LINGO2: variants seen among roughly 807,000 people sequenced by gnomAD.
LINGO2 encodes the protein leucine-rich repeat and immunoglobulin-like domain-containing nogo receptor-interacting protein 2.
In LINGO2, 14 loss-of-function variants were observed where a neutral mutation model predicts 30.6. That is an observed-to-expected ratio of 0.46 (90% confidence interval 0.30 to 0.72). The LOEUF (loss-of-function observed/expected upper bound fraction) is 0.72. Among genes scored for constraint, LINGO2 ranks in the 30% least tolerant of loss-of-function variants. The probability of loss-of-function intolerance (pLI) is 0.07; values close to 1 mark genes in which losing one functional copy is unlikely to be tolerated. For synonymous variants in LINGO2, 317 were observed against 288.5 expected, an observed-to-expected ratio of 1.10 and a Z score of -1.00; for missense variants, 729 against 751.7, an observed-to-expected ratio of 0.97 and a Z score of 0.35.
At chr9:28,192,831 G>T (rs1289311797) in intron 4 of LINGO2, among the ~76,000 whole-genome samples, 1 of 152,006 alleles carries the variant, frequency 6.6e-6, no homozygotes, top group East Asian at 1.9e-4. Flanking sequence ...AGGTGTTAGG[G>T]TCTATATTTT....
At chr9:29,093,181 T>C in the LINGO2 span, among the ~76,000 whole-genome samples, 1 of 132,558 alleles carries the variant, frequency 7.5e-6, no homozygotes, top group Non-Finnish European at 1.6e-5. Flanking sequence ...ACAAACAAAA[T>C]ATATAGAAAA....
chr9:28,585,978 C>G (rs1824515831), intron 1 of LINGO2, among the ~76,000 whole-genome samples: 1 of 151,874 alleles, frequency 6.6e-6, no homozygotes, highest in African/African-American at 2.4e-5. Flanking sequence ...TTGAGCATAC[C>G]TCCTGGTCAG....
intron 5 of LINGO2, among the ~76,000 whole-genome samples, chr9:27,996,783 A>G (rs970317533): frequency 6.6e-6 from 1 of 152,190 alleles, no homozygotes; most frequent in African/African-American, 2.4e-5. Flanking sequence ...AAGAAGTGAT[A>G]AATGTTTGAG....
chr9:28,456,597 T>C (rs1253174405), intron 2 of LINGO2, among the ~76,000 whole-genome samples: 2 of 152,300 alleles, frequency 1.3e-5, no homozygotes, highest in East Asian at 1.9e-4. Flanking sequence ...CAGATGTTTT[T>C]TGAGAAATTG....
the LINGO2 span, among the ~76,000 whole-genome samples, chr9:28,849,506 A>C: frequency 0.076 from 11,574 of 152,106 alleles, 1,451 homozygotes; most frequent in African/African-American, 0.26. Flanking sequence ...TTGCTGTAAT[A>C]GTAGGTCATT....
intron 2 of LINGO2, among the ~76,000 whole-genome samples, chr9:28,391,604 C>CGTGT (rs35676869): frequency 0.012 from 1,844 of 147,826 alleles, 39 homozygotes; most frequent in African/African-American, 0.042. Context: ...TTTATGTTTG[C>CGTGT]GTGTGTGTGT....
At chr9:28,684,869 G>A in the LINGO2 span, among the ~76,000 whole-genome samples, 18 of 152,110 alleles carry the variant, frequency 1.2e-4, 1 homozygote, top group East Asian at 1.2e-3. Flanking sequence ...ACATGTGCAC[G>A]TTTGTTATAC....
chr9:28,994,273 T>A, the LINGO2 span, among the ~76,000 whole-genome samples: 1 of 152,092 alleles, frequency 6.6e-6, no homozygotes, highest in Non-Finnish European at 1.5e-5. Flanking sequence ...TCACAATTGC[T>A]TCAAAGAGAA....
At chr9:29,061,609 C>T in the LINGO2 span, among the ~76,000 whole-genome samples, 10 of 152,016 alleles carry the variant, frequency 6.6e-5, no homozygotes, top group Middle Eastern at 6.8e-3. Context: ...AAAAATGATG[C>T]GCGAGAACTG....
intron 3 of LINGO2, among the ~76,000 whole-genome samples, chr9:28,354,739 A>G (rs1354554101): frequency 1.3e-5 from 2 of 152,164 alleles, no homozygotes; most frequent in Non-Finnish European, 2.9e-5. Context: ...GCTGTTTTTT[A>G]CCAATTTGTT....
chr9:28,259,059 G>C lies in LINGO2; in HGVS notation c.-87+36149C>G, dbSNP rs73645624. Reference sequence around the variant, plus strand: ...AAAAATTTTACCCTCTCCAGAATTAGTCTGTTTGCATGTGTGATGCATAGC... The same window carrying C: ...AAAAATTTTACCCTCTCCAGAATTACTCTGTTTGCATGTGTGATGCATAGC... On this transcript the variant is annotated intron_variant, in intron 4 of 5. Coordinates refer to ENST00000379992, the Ensembl canonical transcript of LINGO2. 5.2e-3 allele frequency among the ~76,000 whole-genome samples: 789 copies of C among 151,984 alleles called. 10 individuals are homozygous for C. The highest frequency in any genetic ancestry group is 0.018 in the African/African-American group (762 of 41,480).
chr9:28,551,257 C>A (rs1439660141), intron 1 of LINGO2, among the ~76,000 whole-genome samples: 1 of 151,878 alleles, frequency 6.6e-6, no homozygotes, highest in Non-Finnish European at 1.5e-5. Context: ...AAACCAGAGA[C>A]TGCCACAGAA....
At chr9:28,337,865 A>AT (rs1325241024) in intron 3 of LINGO2, among the ~76,000 whole-genome samples, 6 of 147,816 alleles carry the variant, frequency 4.1e-5, no homozygotes, top group African/African-American at 1.6e-4. Context: ...AGTTTGCTGC[A>AT]GGGGTGGGGC....
the LINGO2 span, among the ~76,000 whole-genome samples, chr9:28,818,194 G>A: frequency 1.3e-5 from 2 of 152,078 alleles, no homozygotes; most frequent in Non-Finnish European, 2.9e-5. Context: ...TCATTAGTTG[G>A]GTCTGAGTCA....
the LINGO2 span, among the ~76,000 whole-genome samples, chr9:28,737,748 A>AT: frequency 2.8e-4 from 42 of 151,460 alleles, no homozygotes; most frequent in East Asian, 9.7e-4. Flanking sequence ...GACAAAAATT[A>AT]TTTTTTTTTC....
the LINGO2 span, among the ~76,000 whole-genome samples, chr9:29,112,970 C>T: frequency 6.6e-6 from 1 of 152,134 alleles, no homozygotes; most frequent in Non-Finnish European, 1.5e-5. Flanking sequence ...TGCCCAAGAT[C>T]TCACATTTAG....
At chr9:29,128,666 T>A in the LINGO2 span, among the ~76,000 whole-genome samples, 1 of 152,142 alleles carries the variant, frequency 6.6e-6, no homozygotes, top group African/African-American at 2.4e-5. Context: ...AAATTTTGGT[T>A]CACAGCCTTC....
At chr9:28,888,771 T>C in the LINGO2 span, 1 of 459,274 alleles carries the variant, frequency 2.2e-6, no homozygotes. Flanking sequence ...ATTACTTCCT[T>C]GTTTAGAACT....
the LINGO2 span, among the ~76,000 whole-genome samples, chr9:28,865,677 G>C: frequency 2.0e-5 from 3 of 152,078 alleles, no homozygotes; most frequent in Non-Finnish European, 4.4e-5. Flanking sequence ...CCAGCTACTC[G>C]GGAGGATGAG....
Sources: gnomAD v4.1 joint callset for allele counts (sites outside exome capture counted in the v4.1 genomes callset) on GRCh38, gnomAD v4.1.1 for gene constraint, MANE v1.5 for transcripts, NCBI Gene and HGNC (gene_info 2026-07-23, HGNC 2026-07-21) for gene names.